The following NPY5R variants were observed in gnomAD, a reference collection of about 807,000 sequenced individuals.
NPY5R encodes neuropeptide Y receptor type 5.
A neutral mutation model predicts 24.8 loss-of-function variants in NPY5R; 21 were observed. The observed-to-expected ratio is 0.85, with a 90% CI of 0.60 to 1.22. The LOEUF (loss-of-function observed/expected upper bound fraction) is 1.22, where lower values mean the gene tolerates loss of function less well. Ranked by LOEUF, NPY5R falls within the 50% of genes most tolerant of loss-of-function variation. The pLI is 0.00. For missense variants in NPY5R, 481 were observed against 521.3 expected, an observed-to-expected ratio of 0.92 and a Z score of 0.75; for synonymous variants, 175 against 183.0, an observed-to-expected ratio of 0.96 and a Z score of 0.35.
chr4:163,345,247 C>G (rs1476234057), intron 1 of NPY5R: 4 of 152,262 alleles, frequency 2.6e-5, no homozygotes, highest in Middle Eastern at 3.4e-3. Context: ...TTCTTGAGAA[C>G]TATCTACTTT....
chr4:163,345,160 T>C (rs1041342281), intron 1 of NPY5R: 5 of 152,216 alleles, frequency 3.3e-5, no homozygotes, highest in African/African-American at 1.2e-4. Context: ...AAAAAATTAT[T>C]CAAACAAAGA....
chr4:163,348,342 G>T (rs572219928), intron 3 of NPY5R, among the ~76,000 whole-genome samples: 2 of 152,242 alleles, frequency 1.3e-5, no homozygotes, highest in African/African-American at 4.8e-5. Flanking sequence ...TAAAGTGGCT[G>T]GGCACAGTGG....
intron 2 of NPY5R, among the ~76,000 whole-genome samples, chr4:163,347,178 TA>T (rs1735288413): frequency 1.3e-5 from 2 of 152,230 alleles, no homozygotes; most frequent in African/African-American, 4.8e-5. Context: ...TATGCTTTAT[TA>T]AACATCATTT....
chr4:163,346,366 C>T (rs1735250420), intron 2 of NPY5R, among the ~76,000 whole-genome samples: 1 of 152,166 alleles, frequency 6.6e-6, no homozygotes. Flanking sequence ...TCTACAGTTA[C>T]TCAGGGTGTG....
Position 163,350,841 on chromosome 4 carries a change from G to A in NPY5R, c.568G>A (p.Ala190Thr), listed in dbSNP as rs751519258. The change falls in exon 4 of 4, where the codon GCA becomes ACA. Residue 190 changes from alanine (A) to threonine (T), a missense_variant. Coordinates refer to ENST00000338566, the MANE Select transcript of NPY5R (RefSeq NM_006174.4). ...LVELQETFGS[A>T]LLSSRYLCVE... The stretch of plus-strand genomic sequence containing the variant: ...GGAACTTCAAGAAACATTTGGTTCA[G>A]CATTGCTGAGCAGCAGGTATTTATG... 15 of 1,614,204 alleles carry A rather than the reference G, an allele frequency of 9.3e-6. No individual in the cohort carries two copies. The highest frequency in any genetic ancestry group is 1.6e-4 in the Middle Eastern group (1 of 6,062).
Position 163,347,883 on chromosome 4 carries a change from G to A in NPY5R, c.-10+361G>A, listed in dbSNP as rs1452565689. Among the ~76,000 whole-genome samples the A allele has an allele frequency of 2.6e-5, 4 of 152,298 alleles. No homozygotes were observed. The South Asian group carries it at 6.2e-4, about 24-fold the overall frequency. On this transcript the variant is annotated intron_variant, in intron 3 of 3. Coordinates refer to ENST00000338566, the MANE Select transcript of NPY5R (RefSeq NM_006174.4). ...TTTGAATTAACTTATCCTTTAAAAG[G>A]ATGTAGTTAGCTTCCAGAAAATAAT...
Position 163,351,046 on chromosome 4 carries a change from C to T in NPY5R, c.773C>T (p.Thr258Ile). 1 of 1,614,110 alleles carries T rather than the reference C, an allele frequency of 6.2e-7. No homozygotes were observed. The highest frequency in any genetic ancestry group is 1.7e-5 in the Admixed American group (1 of 60,032). ...RLEENEMINL[T>I]LHPSKKSGPQ... is the part of the protein sequence containing the mutation. ...GAAGAAAATGAGATGATCAACTTAA[C>T]TCTTCATCCATCCAAAAAGAGTGGG... The change falls in exon 4 of 4, where the codon ACT becomes ATT. Residue 258 changes from threonine to isoleucine, a missense_variant. By Grantham distance (89) the Thr-to-Ile change is moderately conservative. Coordinates refer to ENST00000338566, the MANE Select transcript of NPY5R (RefSeq NM_006174.4).
In NPY5R at chr4:163,350,736, C is replaced by T; in HGVS notation, c.463C>T (p.His155Tyr). Reference sequence around the variant, plus strand: ...CATATCTAATAATTTAACAGCAAACCATGGCTACTTTCTGATAGCTACTGT... The same window carrying T: ...CATATCTAATAATTTAACAGCAAACTATGGCTACTTTCTGATAGCTACTGT... Reference protein sequence around the residue: ...HPISNNLTANHGYFLIATVWT... With the variant: ...HPISNNLTANYGYFLIATVWT... The change falls in exon 4 of 4, where the codon CAT becomes TAT. Residue 155 changes from histidine to tyrosine, a missense_variant. Coordinates refer to ENST00000338566, the MANE Select transcript of NPY5R (RefSeq NM_006174.4). The T allele has an allele frequency of 6.2e-7, 1 of 1,614,102 alleles. No homozygotes were observed. The highest frequency in any genetic ancestry group is 8.5e-7 in the Non-Finnish European group (1 of 1,179,988).
At position 163,351,648 on chromosome 4, in the gene NPY5R, G is replaced by A. The variant is rs1291095333; in HGVS notation, c.*37G>A. 6 of 1,423,910 alleles carry A rather than the reference G, an allele frequency of 4.2e-6. No homozygotes were observed. Among genetic ancestry groups the A allele is most frequent in the African/African-American group, 1.4e-5 (1 of 69,764 alleles). The allele number at this position is 1,423,910 out of a possible 1,614,324, so 88.2% of individuals were successfully genotyped here. A position where few individuals can be genotyped will look rare whatever the true frequency, so the allele number is the denominator to read the frequency against. ...GTTTACCAAGGAAAGAACAAATGCTGGGGTCATATAAAATATATTTATGAT... is the reference window on the plus strand; with the variant it reads ...GTTTACCAAGGAAAGAACAAATGCTAGGGTCATATAAAATATATTTATGAT... On this transcript the variant is annotated 3_prime_UTR_variant, in exon 4 of 4. Transcript: ENST00000338566.
intron 3 of NPY5R, among the ~76,000 whole-genome samples, chr4:163,348,762 G>A (rs2110865205): frequency 6.6e-6 from 1 of 151,820 alleles, no homozygotes; most frequent in African/African-American, 2.4e-5. Context: ...TCAGGCAGTA[G>A]CATCAAAAGT....
chr4:163,350,406 A>C lies in NPY5R; in HGVS notation c.133A>C (p.Ile45Leu). 1 of 1,613,856 alleles carries C rather than the reference A, an allele frequency of 6.2e-7. No homozygotes were observed. Among genetic ancestry groups the C allele is most frequent in the Non-Finnish European group, 8.5e-7 (1 of 1,179,818 alleles). The change falls in exon 4 of 4, where the codon ATT (isoleucine) becomes CTT (leucine). Residue 45 changes from isoleucine (I) to leucine (L), a missense_variant. Transcript: ENST00000338566. ...SSVDDLQYFL[I>L]GLYTFVSLLG... The stretch of plus-strand genomic sequence containing the variant: ...TGTAGATGACTTACAGTATTTTCTG[A>C]TTGGGCTCTATACATTTGTAAGTCT...
At chr4:163,344,909 T>C (rs1735161292) in intron 1 of NPY5R, 2 of 152,220 alleles carry the variant, frequency 1.3e-5, no homozygotes, top group South Asian at 2.1e-4. Context: ...CATGCCTGTG[T>C]GTTTGTCAGC....
At position 163,345,186 on chromosome 4, in the gene NPY5R, T is replaced by C. The variant is rs1041738418; in HGVS notation, c.-120-528T>C. ...CAAACAAAGAAACCTTATTTAAATG[T>C]ACAAGTCAGACTTTTAATATCCTTT... On this transcript the variant is annotated intron_variant, in intron 1 of 3. Transcript: ENST00000338566. The C allele has an allele frequency of 1.8e-4, 28 of 152,358 alleles. 1 individual carries two copies. Among genetic ancestry groups the C allele is most frequent in the Admixed American group, 1.8e-3 (27 of 15,300 alleles). 9.4% of individuals were successfully genotyped at this position (152,358 alleles called of 1,614,324 possible). A position where few individuals can be genotyped will look rare whatever the true frequency, so the allele number is the denominator to read the frequency against.
chr4:163,351,084 C>T lies in NPY5R; in HGVS notation c.811C>T (p.Leu271Phe), dbSNP rs1403786378. The part of the protein sequence containing the change: ...PSKKSGPQVK[L>F]SGSHKWSYSF... ...CAAAAAGAGTGGGCCTCAGGTGAAACTCTCTGGCAGCCATAAATGGAGTTA... is the reference window on the plus strand; with the variant it reads ...CAAAAAGAGTGGGCCTCAGGTGAAATTCTCTGGCAGCCATAAATGGAGTTA... The change falls in exon 4 of 4, where the codon CTC (leucine) becomes TTC (phenylalanine). Residue 271 changes from leucine (L) to phenylalanine (F), a missense_variant. Transcript: ENST00000338566. The T allele has an allele frequency of 6.2e-7, 1 of 1,613,964 alleles. No homozygotes were observed. The highest frequency in any genetic ancestry group is 8.5e-7 in the Non-Finnish European group (1 of 1,180,012).
At position 163,350,912 on chromosome 4, in the gene NPY5R, C is replaced by A; in HGVS notation, c.639C>A (p.Ile213=). 6.2e-7 allele frequency: 1 copy of A among 1,614,060 alleles called. No homozygotes were observed. Among genetic ancestry groups the A allele is most frequent in the South Asian group, 1.1e-5 (1 of 91,082 alleles). ...ATTCATACAGAATTGCCTTTACTATCTCTTTATTGCTAGTTCAGTATATTC... is the reference window on the plus strand; with the variant it reads ...ATTCATACAGAATTGCCTTTACTATATCTTTATTGCTAGTTCAGTATATTC... ...PSDSYRIAFT[I]SLLLVQYILP... The change falls in exon 4 of 4, where the codon ATC becomes ATA. Residue 213 remains isoleucine (I), a synonymous_variant. Coordinates refer to ENST00000338566, the MANE Select transcript of NPY5R (RefSeq NM_006174.4).
Position 163,351,189 on chromosome 4 carries a change from G to C in NPY5R, c.916G>C (p.Glu306Gln). Residue 306 changes from glutamate (E) to glutamine (Q), a missense_variant, in exon 4 of 4, where the codon GAG (glutamate) becomes CAG (glutamine). By Grantham distance (29) the Glu-to-Gln change is conservative. Transcript: ENST00000338566. ...VLPAPERPSQ[E>Q]NHSRILPENF... is the part of the protein sequence containing the mutation. ...ACCTGCTCCAGAAAGACCTTCTCAAGAGAACCACTCCAGAATACTTCCAGA... is the reference window on the plus strand; with the variant it reads ...ACCTGCTCCAGAAAGACCTTCTCAACAGAACCACTCCAGAATACTTCCAGA... The C allele has an allele frequency of 6.2e-7, 1 of 1,614,084 alleles. No homozygotes were observed. Among genetic ancestry groups the C allele is most frequent in the Non-Finnish European group, 8.5e-7 (1 of 1,179,992 alleles).
At position 163,351,455 on chromosome 4, in the gene NPY5R, T is replaced by G; in HGVS notation, c.1182T>G (p.Asn394Lys). 6.2e-7 allele frequency: 1 copy of G among 1,614,018 alleles called. No homozygotes were observed. The highest frequency in any genetic ancestry group is 8.5e-7 in the Non-Finnish European group (1 of 1,179,918). ...LHLFHVVTDF[N>K]DNLISNRHFK... ...TTTTCCATGTGGTAACTGATTTTAA[T>G]GACAATCTTATTTCAAATAGGCATT... is the stretch of plus-strand genomic sequence containing the variant. Residue 394 changes from asparagine to lysine, a missense_variant, in exon 4 of 4, where the codon AAT becomes AAG. Coordinates refer to ENST00000338566, the MANE Select transcript of NPY5R (RefSeq NM_006174.4).
intron 2 of NPY5R, among the ~76,000 whole-genome samples, 183 bp downstream of exon 2, chr4:163,345,936 C>T (rs1735223985): frequency 6.7e-6 from 1 of 149,804 alleles, no homozygotes; most frequent in South Asian, 2.2e-4. Flanking sequence ...TCCCCCACCC[C>T]CCCTCCCTGC....
At chr4:163,345,474 CAA>C (rs1298283407) in intron 1 of NPY5R, 1 of 152,102 alleles carries the variant, frequency 6.6e-6, no homozygotes, top group African/African-American at 2.4e-5. Flanking sequence ...ACAACTAATA[CAA>C]AAGAGAATGA....
Sources: allele counts gnomAD v4.1 joint callset (sites outside exome capture counted in the v4.1 genomes callset), GRCh38; gene constraint gnomAD v4.1.1; transcripts MANE v1.5; gene names NCBI Gene and HGNC (gene_info 2026-07-23, HGNC 2026-07-21).